Variants in CCDC171 observed in about 807,000 individuals in gnomAD.
CCDC171 encodes the protein coiled-coil domain containing 171.
Under a neutral mutation model 168.2 loss-of-function variants are expected in CCDC171, and 177 were observed. The observed-to-expected ratio is 1.05, with a 90% CI of 0.93 to 1.19. The LOEUF is 1.19. Ranked by LOEUF, CCDC171 falls within the 50% of genes most tolerant of loss-of-function variation. CCDC171 has a pLI of 0.00. For synonymous variants in CCDC171, 687 were observed against 540.8 expected (o/e 1.27, Z -3.75); for missense variants, 1,991 against 1,539.0 (o/e 1.29, Z -4.91).
intron 3 of CCDC171, among the ~76,000 whole-genome samples, chr9:15,574,255 C>G (rs1308554819): frequency 1.3e-5 from 2 of 152,082 alleles, no homozygotes; most frequent in South Asian, 2.1e-4. Flanking sequence ...AGCGTTCCTC[C>G]TGCTTCAGCC....
At chr9:16,002,466 GAAAGA>G (rs1158026475) in intron 3 of CCDC171, among the ~76,000 whole-genome samples, 2 of 151,994 alleles carry the variant, frequency 1.3e-5, no homozygotes, top group Admixed American at 1.3e-4. Flanking sequence ...AAGGATATAA[GAAAGA>G]AAATAGTTTT....
At chr9:15,595,395 G>A (rs1022725685) in intron 6 of CCDC171, among the ~76,000 whole-genome samples, 1 of 152,020 alleles carries the variant, frequency 6.6e-6, no homozygotes. Flanking sequence ...GAGAACATGT[G>A]GTGTTTGGTT....
intron 6 of CCDC171, among the ~76,000 whole-genome samples, chr9:15,613,632 C>T (rs544826251): frequency 3.8e-4 from 57 of 151,504 alleles, no homozygotes; most frequent in Admixed American, 3.6e-3. Flanking sequence ...AAGCGGTTCT[C>T]CTGCCTCAGC....
chr9:16,021,235 G>A (rs535889850), intron 4 of CCDC171, among the ~76,000 whole-genome samples: 4 of 152,208 alleles, frequency 2.6e-5, no homozygotes, highest in East Asian at 1.9e-4. Flanking sequence ...TTACAGGCAC[G>A]TGTCACCACA....
At chr9:16,062,925 A>G (rs1833952116), downstream of CCDC171, among the ~76,000 whole-genome samples, 1 of 152,144 alleles carries the variant, frequency 6.6e-6, no homozygotes, top group South Asian at 2.1e-4. Flanking sequence ...TGCTCGGTGT[A>G]GCTCTTGATA....
At chr9:16,029,250 C>A (rs1335074869) in intron 6 of CCDC171, among the ~76,000 whole-genome samples, 1 of 152,184 alleles carries the variant, frequency 6.6e-6, no homozygotes, top group Non-Finnish European at 1.5e-5. Flanking sequence ...CAAAATCATG[C>A]ATAATACATT....
chr9:15,611,706 A>G (rs377579472), intron 6 of CCDC171, among the ~76,000 whole-genome samples: 1 of 152,114 alleles, frequency 6.6e-6, no homozygotes, highest in East Asian at 1.9e-4. Flanking sequence ...TCCTTTTACC[A>G]GGATATGGAG....
the CCDC171 span, among the ~76,000 whole-genome samples, chr9:16,076,398 G>A: frequency 6.6e-6 from 1 of 152,190 alleles, no homozygotes; most frequent in South Asian, 2.1e-4. Context: ...GAGTCCTCCA[G>A]ATCCAGTCTT....
chr9:15,964,088 A>G (rs12683980), intron 25 of CCDC171, among the ~76,000 whole-genome samples: 2 of 152,166 alleles, frequency 1.3e-5, no homozygotes, highest in African/African-American at 4.8e-5. Flanking sequence ...GGAGCCCAAG[A>G]TAGAAGCAGC....
Position 15,561,647 on chromosome 9 carries a change from T to A in CCDC171, c.-111-2331T>A, listed in dbSNP as rs144370115. On this transcript the variant is annotated intron_variant, in intron 1 of 25. Coordinates refer to ENST00000380701, the MANE Select transcript of CCDC171 (RefSeq NM_173550.4). ...CCTGGTGGAAGAAGAGGGAGGAGAT[T>A]TTACTGCACCTTCTCTGCCATGCTC... 3.5e-4 allele frequency among the ~76,000 whole-genome samples: 53 copies of A among 152,152 alleles called. 1 individual carries two copies. The East Asian group carries it at 0.01, about 29-fold the overall frequency.
At chr9:16,077,439 T>TA in the CCDC171 span, among the ~76,000 whole-genome samples, 1 of 152,204 alleles carries the variant, frequency 6.6e-6, no homozygotes, top group Non-Finnish European at 1.5e-5. Flanking sequence ...AATACTTCCC[T>TA]ACTCCTTGAC....
At chr9:15,625,250 C>T (rs975994289) in intron 7 of CCDC171, among the ~76,000 whole-genome samples, 4 of 152,146 alleles carry the variant, frequency 2.6e-5, no homozygotes, top group African/African-American at 9.7e-5. Flanking sequence ...TAAAAATTTT[C>T]TCCCATTCTA....
chr9:16,061,337 G>C (rs1000514023), downstream of CCDC171: 1 of 152,158 alleles, frequency 6.6e-6, no homozygotes, highest in Non-Finnish European at 1.5e-5. Flanking sequence ...GGTTCCTTGA[G>C]CTCTAACACT....
At chr9:15,822,340 A>T (rs1370750061) in intron 21 of CCDC171, among the ~76,000 whole-genome samples, 1 of 151,532 alleles carries the variant, frequency 6.6e-6, no homozygotes, top group Non-Finnish European at 1.5e-5. Flanking sequence ...AAGGGGATCT[A>T]ATTAAACTAA....
intron 21 of CCDC171, among the ~76,000 whole-genome samples, chr9:15,820,225 A>T (rs181940319): frequency 1.8e-5 from 1 of 55,112 alleles, no homozygotes. Flanking sequence ...CTAAATGCCC[A>T]CAAGAGAAAG....
At chr9:15,592,729 T>C (rs897788472) in intron 5 of CCDC171, among the ~76,000 whole-genome samples, 1 of 152,114 alleles carries the variant, frequency 6.6e-6, no homozygotes, top group Non-Finnish European at 1.5e-5. Flanking sequence ...TTTGGAGTTA[T>C]GTGGAGAGGA....
chr9:15,710,710 C>A (rs1278214642), intron 11 of CCDC171, among the ~76,000 whole-genome samples: 1 of 152,148 alleles, frequency 6.6e-6, no homozygotes, highest in Non-Finnish European at 1.5e-5. Flanking sequence ...ATTCTCCTGC[C>A]TCATCCTCCC....
intron 25 of CCDC171, among the ~76,000 whole-genome samples, chr9:15,958,338 T>G (rs533951923): frequency 9.9e-5 from 15 of 152,208 alleles, no homozygotes; most frequent in African/African-American, 3.6e-4. Flanking sequence ...GTGGTTAGTG[T>G]GACTGAGGAA....
chr9:15,677,452 T>C (rs2049666486), intron 9 of CCDC171, among the ~76,000 whole-genome samples: 2 of 152,062 alleles, frequency 1.3e-5, no homozygotes, highest in South Asian at 4.1e-4. Context: ...AATTACCTCT[T>C]TATTTGATTA....
Sources: gnomAD v4.1 joint callset for allele counts (sites outside exome capture counted in the v4.1 genomes callset) on GRCh38, gnomAD v4.1.1 for gene constraint, MANE v1.5 for transcripts, NCBI Gene and HGNC (gene_info 2026-07-23, HGNC 2026-07-21) for gene names.